The following SLC30A8 variants were observed in gnomAD, a reference collection of about 807,000 sequenced individuals.
SLC30A8 encodes proton-coupled zinc antiporter SLC30A8.
A neutral mutation model predicts 36.9 loss-of-function variants in SLC30A8; 27 were observed. The observed-to-expected ratio is 0.73, with a 90% CI of 0.54 to 1.01. The LOEUF (loss-of-function observed/expected upper bound fraction) is 1.01. Ranked by LOEUF, SLC30A8 falls within the 50% of genes least tolerant of loss-of-function variation. The pLI is 0.00. For synonymous variants in SLC30A8, 164 were observed against 172.4 expected (o/e 0.95, Z 0.38); for missense variants, 439 against 452.0 (o/e 0.97, Z 0.26).
chr8:117,142,243 C>T (rs1439764815), intron 1 of SLC30A8, among the ~76,000 whole-genome samples: 2 of 152,126 alleles, frequency 1.3e-5, no homozygotes, highest in African/African-American at 4.8e-5. Flanking sequence ...CCAAAAGTCC[C>T]TCAAATATGA....
At chr8:116,961,383 C>T (rs1276064886) in intron 1 of SLC30A8, among the ~76,000 whole-genome samples, 14 of 152,052 alleles carry the variant, frequency 9.2e-5, no homozygotes, top group African/African-American at 2.4e-4. Flanking sequence ...GAGCCGAGAT[C>T]GCGCCACTGC....
At chr8:117,074,229 A>G (rs536474192) in intron 2 of SLC30A8, among the ~76,000 whole-genome samples, 1 of 152,224 alleles carries the variant, frequency 6.6e-6, no homozygotes, top group East Asian at 1.9e-4. Flanking sequence ...AAGTGATTAG[A>G]TTTACTCAAT....
rs868217519 is a variant in SLC30A8 at position 117,081,487 on chromosome 8, C to T, written c.-226+42229C>T. ...TTGGATTAGGGCTCTACCCTAATGGCCTCATGTAACCTTAATTGCCTCTTT... is the reference window on the plus strand; with the variant it reads ...TTGGATTAGGGCTCTACCCTAATGGTCTCATGTAACCTTAATTGCCTCTTT... On this transcript the variant is annotated intron_variant, in intron 2 of 10. Coordinates refer to the SLC30A8 transcript ENST00000427715. Among the ~76,000 whole-genome samples the T allele has an allele frequency of 7.2e-5, 11 of 152,216 alleles. No individual in the cohort carries two copies. The Middle Eastern group carries it at 0.01, about 141-fold the overall frequency.
intron 3 of SLC30A8, among the ~76,000 whole-genome samples, chr8:117,157,048 G>A (rs1230817350): frequency 1.3e-5 from 2 of 152,082 alleles, no homozygotes; most frequent in African/African-American, 4.8e-5. Flanking sequence ...TTTCTCAGTG[G>A]GCAGATTGAA....
At chr8:117,015,037 C>T (rs183026571) in intron 1 of SLC30A8, among the ~76,000 whole-genome samples, 131 of 148,322 alleles carry the variant, frequency 8.8e-4, no homozygotes, top group African/African-American at 2.9e-3. Flanking sequence ...ATAGATATAC[C>T]GAGAGCTGAA....
At chr8:116,957,988 C>T (rs192153691) in intron 1 of SLC30A8, among the ~76,000 whole-genome samples, 24 of 152,286 alleles carry the variant, frequency 1.6e-4, no homozygotes, top group African/African-American at 2.9e-4. Context: ...ATCTATGCCT[C>T]GTGTCAGGGA....
intron 1 of SLC30A8, among the ~76,000 whole-genome samples, chr8:117,026,342 G>A (rs1303152473): frequency 6.6e-6 from 1 of 152,128 alleles, no homozygotes; most frequent in Admixed American, 6.5e-5. Context: ...ACTTCCATTT[G>A]TTTTTTCTTT....
At chr8:117,022,876 T>A (rs1415439975) in intron 1 of SLC30A8, among the ~76,000 whole-genome samples, 2 of 152,058 alleles carry the variant, frequency 1.3e-5, no homozygotes, top group Non-Finnish European at 2.9e-5. Flanking sequence ...AATTGACAAA[T>A]GGGATCTAAT....
intron 1 of SLC30A8, among the ~76,000 whole-genome samples, chr8:116,991,299 C>T (rs1026824938): frequency 1.3e-4 from 19 of 151,744 alleles, no homozygotes; most frequent in Non-Finnish European, 2.4e-4. Flanking sequence ...ATTTTACCTT[C>T]TATTTTCTTT....
intron 2 of SLC30A8, among the ~76,000 whole-genome samples, chr8:117,048,673 T>C (rs1435668858): frequency 6.6e-6 from 1 of 152,214 alleles, no homozygotes; most frequent in Non-Finnish European, 1.5e-5. Context: ...ATTGTAGATA[T>C]TTAAACAAAA....
chr8:116,978,775 T>A (rs1815146146), intron 1 of SLC30A8, among the ~76,000 whole-genome samples: 1 of 152,164 alleles, frequency 6.6e-6, no homozygotes, highest in Non-Finnish European at 1.5e-5. Context: ...ACCAGTCCAG[T>A]GGCCTTAAAA....
chr8:117,164,780 C>T (rs995166388), intron 6 of SLC30A8, among the ~76,000 whole-genome samples: 1 of 151,976 alleles, frequency 6.6e-6, no homozygotes, highest in Non-Finnish European at 1.5e-5. Context: ...TGCTCTTAGC[C>T]CCGAGTAGGA....
At chr8:117,002,274 A>G (rs1816034230) in intron 1 of SLC30A8, among the ~76,000 whole-genome samples, 1 of 152,240 alleles carries the variant, frequency 6.6e-6, no homozygotes, top group Admixed American at 6.5e-5. Context: ...CATTGCCAAG[A>G]GCAAGAGAGA....
intron 1 of SLC30A8, among the ~76,000 whole-genome samples, chr8:116,970,217 A>G (rs569317248): frequency 2.0e-4 from 31 of 152,288 alleles, no homozygotes; most frequent in Middle Eastern, 3.4e-3. Flanking sequence ...CAGGGTCACG[A>G]TCATCAATAT....
At chr8:117,081,862 C>T (rs189810630) in intron 2 of SLC30A8, among the ~76,000 whole-genome samples, 6 of 152,264 alleles carry the variant, frequency 3.9e-5, no homozygotes, top group East Asian at 1.9e-4. Flanking sequence ...CAATAATTGC[C>T]GATTCACAAC....
chr8:117,067,862 T>TG (rs964660736), intron 2 of SLC30A8, among the ~76,000 whole-genome samples: 16 of 152,060 alleles, frequency 1.1e-4, no homozygotes, highest in Non-Finnish European at 2.4e-4. Context: ...TACTGGGAAA[T>TG]GGGGGGCTCC....
At chr8:117,023,496 A>AT in intron 1 of SLC30A8, among the ~76,000 whole-genome samples, 1 of 152,214 alleles carries the variant, frequency 6.6e-6, no homozygotes, top group Non-Finnish European at 1.5e-5. Flanking sequence ...GATAGACTGG[A>AT]TTAAGAAAAT....
intron 1 of SLC30A8, among the ~76,000 whole-genome samples, chr8:117,022,241 T>C (rs1388793109): frequency 2.0e-5 from 3 of 150,842 alleles, no homozygotes; most frequent in South Asian, 4.2e-4. Flanking sequence ...TATAAGAAAA[T>C]AGATATATGA....
chr8:117,092,102 G>A (rs1223318863), intron 2 of SLC30A8, among the ~76,000 whole-genome samples: 1 of 152,182 alleles, frequency 6.6e-6, no homozygotes, highest in Non-Finnish European at 1.5e-5. Flanking sequence ...AAGTAGAAGG[G>A]AGAAAGTATT....
Sources: allele counts gnomAD v4.1 joint callset (sites outside exome capture counted in the v4.1 genomes callset), GRCh38; gene constraint gnomAD v4.1.1; transcripts MANE v1.5; gene names NCBI Gene and HGNC (gene_info 2026-07-23, HGNC 2026-07-21).